The following SEH1L variants were observed in gnomAD, a reference collection of about 807,000 sequenced individuals.
SEH1L encodes SEH1 like nucleoporin.
A neutral mutation model predicts 49.5 loss-of-function variants in SEH1L; 18 were observed. The ratio of observed to expected loss-of-function variants is 0.36; its 90% CI spans 0.25 to 0.54. The LOEUF is 0.54. SEH1L is among the 20% of genes least tolerant of loss of function. The pLI is 0.87. For synonymous variants in SEH1L, 169 were observed against 178.1 expected (o/e 0.95, Z 0.41); for missense variants, 404 against 528.8 (o/e 0.76, Z 2.31).
Position 12,979,176 on chromosome 18 carries a change from A to G in SEH1L, c.761+284A>G, listed in dbSNP as rs1330898700. Among the ~76,000 whole-genome samples the G allele has an allele frequency of 1.9e-4, 29 of 149,854 alleles. No individual in the cohort carries two copies. The South Asian group carries it at 2.1e-3, about 11-fold the overall frequency. On this transcript the variant is annotated intron_variant, in intron 6 of 8. Coordinates refer to ENST00000399892, the MANE Select transcript of SEH1L (RefSeq NM_001013437.2). ...GGGAAGGTCAGCAGATAAACAAGTG[A>G]ACAAAGGTCTCTGGTTTTCCTAGGC...
intron 2 of SEH1L, among the ~76,000 whole-genome samples, chr18:12,954,649 G>A (rs1348152399): frequency 6.6e-6 from 1 of 151,958 alleles, no homozygotes. Context: ...TGTATTTTTT[G>A]TAGTGATGGC....
Position 12,963,252 on chromosome 18 carries a change from C to G in SEH1L, c.402C>G (p.Ser134=), listed in dbSNP as rs200102087. 6.2e-7 allele frequency: 1 copy of G among 1,613,948 alleles called. No homozygotes were observed. Among genetic ancestry groups the G allele is most frequent in the Non-Finnish European group, 8.5e-7 (1 of 1,179,966 alleles). ...TGGGTCTTATGTTAGCAACCTGTTC[C>G]GCAGATGGTATAGTAAGAATCTATG... ...KHMGLMLATC[S]ADGIVRIYEA... is the part of the protein sequence containing the mutation. Residue 134 remains serine, a synonymous_variant, in exon 4 of 9, where the codon TCC becomes TCG. Transcript: ENST00000399892.
chr18:12,960,390 C>T (rs898229011), intron 3 of SEH1L, among the ~76,000 whole-genome samples: 3 of 152,214 alleles, frequency 2.0e-5, no homozygotes, highest in Non-Finnish European at 4.4e-5. Flanking sequence ...ATTCTTTCCC[C>T]TGTTGAATGG....
chr18:12,957,988 CG>C (rs1180521196), intron 3 of SEH1L, among the ~76,000 whole-genome samples: 1 of 148,702 alleles, frequency 6.7e-6, no homozygotes, highest in Non-Finnish European at 1.5e-5. Context: ...TGATTATAGG[CG>C]TGAGCCACTA....
At chr18:12,963,823 C>A (rs2031306869) in intron 4 of SEH1L, among the ~76,000 whole-genome samples, 1 of 152,214 alleles carries the variant, frequency 6.6e-6, no homozygotes, top group Non-Finnish European at 1.5e-5. Context: ...AGCAATTCTC[C>A]TGCCTCAGCC....
intron 8 of SEH1L, chr18:12,986,430 A>G (rs1324573553): frequency 7.1e-6 from 7 of 986,048 alleles, no homozygotes; most frequent in Non-Finnish European, 8.4e-6. Context: ...TCATGTACGC[A>G]CTAAAAAAAA....
At chr18:12,949,470 T>TTTTTTTTTTTTTG (rs2030371313) in intron 1 of SEH1L, among the ~76,000 whole-genome samples, 1 of 133,250 alleles carries the variant, frequency 7.5e-6, no homozygotes, top group African/African-American at 3.3e-5. Context: ...TTTTTTTTTT[T>TTTTTTTTTTTTTG]GAGACGGAGT....
intron 4 of SEH1L, among the ~76,000 whole-genome samples, chr18:12,967,026 C>T (rs1042911584): frequency 1.3e-5 from 2 of 150,808 alleles, no homozygotes; most frequent in South Asian, 4.3e-4. Flanking sequence ...GTTTTTGTTA[C>T]ATGTATTACA....
At chr18:12,986,179 G>A in intron 8 of SEH1L, 9 of 985,144 alleles carry the variant, frequency 9.1e-6, no homozygotes, top group Non-Finnish European at 1.1e-5. Flanking sequence ...TTCATGTCCT[G>A]TAAAGTTCTG....
Position 12,955,698 on chromosome 18 carries a change from A to G in SEH1L, c.309+89A>G, listed in dbSNP as rs566976743. The G allele has an allele frequency of 3.2e-4, 416 of 1,290,562 alleles. 1 individual carries two copies. In the East Asian group the frequency reaches 5.3e-3, roughly 16 times the overall value. The allele number at this position is 1,290,562 out of a possible 1,614,324, so 79.9% of individuals were successfully genotyped here. A position where few individuals can be genotyped will look rare whatever the true frequency, so the allele number is the denominator to read the frequency against. ...AAGGCTACCTCAGATAATTGGTAAAATATCACCACTCCCCTCTAGTTTTAC... is the reference window on the plus strand; with the variant it reads ...AAGGCTACCTCAGATAATTGGTAAAGTATCACCACTCCCCTCTAGTTTTAC... On this transcript the variant is annotated intron_variant, in intron 3 of 8. Transcript: ENST00000399892.
rs767837357 is a variant in SEH1L, at chr18:12,948,076, T to TGCC, written c.-39_-37dup. 9.4e-6 allele frequency: 14 copies of TGCC among 1,484,336 alleles called. No individual in the cohort carries two copies. The Admixed American group carries it at 1.8e-4, about 19-fold the overall frequency. The allele number at this position is 1,484,336 out of a possible 1,614,324, so 91.9% of individuals were successfully genotyped here. A position where few individuals can be genotyped will look rare whatever the true frequency, so the allele number is the denominator to read the frequency against. On this transcript the variant is annotated 5_prime_UTR_variant, in exon 1 of 9. Transcript: ENST00000399892. ...GCTACGGGCCACGCGCCGCCGCCGC[T>TGCC]GCCGCCGCCACTGTCCTCTTCGGAG...
At chr18:12,970,720 G>A (rs952836910) in intron 4 of SEH1L, among the ~76,000 whole-genome samples, 11 of 152,102 alleles carry the variant, frequency 7.2e-5, no homozygotes, top group Non-Finnish European at 8.8e-5. Flanking sequence ...CCACCCTGCC[G>A]CAGTGTTTCT....
At chr18:12,949,710 C>T (rs2030394429) in intron 1 of SEH1L, among the ~76,000 whole-genome samples, 1 of 152,098 alleles carries the variant, frequency 6.6e-6, no homozygotes, top group African/African-American at 2.4e-5. Flanking sequence ...ACCTCGGCCT[C>T]CCAAAGTGCT....
At chr18:12,967,394 G>GGAGAAACATA (rs2031497988) in intron 4 of SEH1L, among the ~76,000 whole-genome samples, 1 of 152,208 alleles carries the variant, frequency 6.6e-6, no homozygotes, top group Non-Finnish European at 1.5e-5. Flanking sequence ...GCCTTCCTAT[G>GGAGAAACATA]TTTAGGAACA....
intron 2 of SEH1L, among the ~76,000 whole-genome samples, chr18:12,952,893 T>C (rs2030632069): frequency 6.6e-6 from 1 of 151,908 alleles, no homozygotes; most frequent in Admixed American, 6.6e-5. Flanking sequence ...GCGATTCTCC[T>C]GCCTCAGCCT....
At chr18:12,961,371 A>C (rs1838826438) in intron 3 of SEH1L, among the ~76,000 whole-genome samples, 1 of 152,132 alleles carries the variant, frequency 6.6e-6, no homozygotes, top group African/African-American at 2.4e-5. Flanking sequence ...GGCTGCAACC[A>C]ATGATTAGTT....
intron 6 of SEH1L, among the ~76,000 whole-genome samples, chr18:12,980,528 C>A (rs867561627): frequency 0.015 from 804 of 55,066 alleles, 24 homozygotes; most frequent in Middle Eastern, 0.02. Context: ...CTGACCCCCC[C>A]ACCTCCCTCC....
At chr18:12,970,400 C>T (rs1317141225) in intron 4 of SEH1L, among the ~76,000 whole-genome samples, 1 of 152,040 alleles carries the variant, frequency 6.6e-6, no homozygotes, top group African/African-American at 2.4e-5. Context: ...CCACTTTTCC[C>T]CTGTCCATCT....
intron 3 of SEH1L, among the ~76,000 whole-genome samples, chr18:12,958,934 A>T (rs2031036563): frequency 6.6e-6 from 1 of 152,208 alleles, no homozygotes; most frequent in Non-Finnish European, 1.5e-5. Context: ...AGACTTTTCC[A>T]TAGCAGCTAC....
Sources: allele counts gnomAD v4.1 joint callset (sites outside exome capture counted in the v4.1 genomes callset), GRCh38; gene constraint gnomAD v4.1.1; transcripts MANE v1.5; gene names NCBI Gene and HGNC (gene_info 2026-07-23, HGNC 2026-07-21).